LOC128092252: variants seen among roughly 807,000 people sequenced by gnomAD.
At chr15:50,672,546 C>G in the LOC128092252 span, among the ~76,000 whole-genome samples, 1 of 151,858 alleles carries the variant, frequency 6.6e-6, no homozygotes, top group African/African-American at 2.4e-5. Flanking sequence ...TAGGCCTAGG[C>G]TAACGTGTAT....
the LOC128092252 span, among the ~76,000 whole-genome samples, chr15:50,680,104 G>A: frequency 6.6e-6 from 1 of 151,862 alleles, no homozygotes; most frequent in Non-Finnish European, 1.5e-5. Flanking sequence ...CATGGTGGCG[G>A]GTGCCTGTAA....
the LOC128092252 span, among the ~76,000 whole-genome samples, chr15:50,675,469 C>G: frequency 6.6e-6 from 1 of 152,180 alleles, no homozygotes; most frequent in Non-Finnish European, 1.5e-5. Context: ...TCTTCCCACA[C>G]GTAGCATTCT....
At chr15:50,685,785 C>A in the LOC128092252 span, among the ~76,000 whole-genome samples, 1 of 152,162 alleles carries the variant, frequency 6.6e-6, no homozygotes, top group Non-Finnish European at 1.5e-5. Context: ...CCGCCTCCCT[C>A]TCTCCATTCC....
chr15:50,650,894 A>C, the LOC128092252 span, among the ~76,000 whole-genome samples: 383 of 152,344 alleles, frequency 2.5e-3, 3 homozygotes, highest in South Asian at 7.9e-3. Context: ...TGCATGAAAA[A>C]TTCCCAGACA....
the LOC128092252 span, among the ~76,000 whole-genome samples, chr15:50,649,434 A>G: frequency 1.4e-5 from 2 of 144,936 alleles, no homozygotes; most frequent in Non-Finnish European, 3.1e-5. Context: ...CAAGACCCCA[A>G]CTCAAAAAAA....
the LOC128092252 span, among the ~76,000 whole-genome samples, chr15:50,659,058 T>C: frequency 6.6e-6 from 1 of 151,680 alleles, no homozygotes; most frequent in Admixed American, 6.6e-5. Flanking sequence ...ATTAGCCAGA[T>C]GTGGTGGCAC....
the LOC128092252 span, among the ~76,000 whole-genome samples, chr15:50,649,375 A>C: frequency 3.3e-5 from 5 of 151,772 alleles, no homozygotes; most frequent in South Asian, 2.1e-4. Context: ...TCAGGGCTGC[A>C]GTTAGCCTTG....
At chr15:50,652,203 G>T in the LOC128092252 span, among the ~76,000 whole-genome samples, 2 of 151,082 alleles carry the variant, frequency 1.3e-5, no homozygotes, top group Admixed American at 6.6e-5. Flanking sequence ...TGTGGTGGTG[G>T]GCGCCTGTAA....
the LOC128092252 span, among the ~76,000 whole-genome samples, chr15:50,664,966 AAAAT>A: frequency 7.9e-5 from 12 of 152,216 alleles, no homozygotes; most frequent in South Asian, 2.1e-4. Flanking sequence ...CCCTGTCTTA[AAAAT>A]AAATAAATAA....
chr15:50,674,616 TA>T, the LOC128092252 span, among the ~76,000 whole-genome samples: 2 of 152,220 alleles, frequency 1.3e-5, no homozygotes, highest in African/African-American at 4.8e-5. Context: ...TAACTCTATT[TA>T]CATTTACCAG....
chr15:50,682,969 T>C, the LOC128092252 span, among the ~76,000 whole-genome samples: 1 of 151,602 alleles, frequency 6.6e-6, no homozygotes, highest in Non-Finnish European at 1.5e-5. Flanking sequence ...TGATCTCAGC[T>C]CACTGCAACC....
the LOC128092252 span, among the ~76,000 whole-genome samples, chr15:50,655,662 A>G: frequency 1.4e-4 from 21 of 152,310 alleles, no homozygotes; most frequent in Admixed American, 3.9e-4. Flanking sequence ...CTGCCTTCTC[A>G]TTAGAAACAA....
chr15:50,658,320 T>C, the LOC128092252 span, among the ~76,000 whole-genome samples: 1 of 151,822 alleles, frequency 6.6e-6, no homozygotes. Context: ...TCCACACCTA[T>C]AATTGCAACA....
At chr15:50,679,538 A>ATT in the LOC128092252 span, among the ~76,000 whole-genome samples, 296 of 43,874 alleles carry the variant, frequency 6.7e-3, 7 homozygotes, top group African/African-American at 0.027. Context: ...ATATATATAT[A>ATT]TTTTTTTTTT....
At chr15:50,673,431 T>C in the LOC128092252 span, among the ~76,000 whole-genome samples, 1 of 152,050 alleles carries the variant, frequency 6.6e-6, no homozygotes, top group African/African-American at 2.4e-5. Flanking sequence ...TCCCACCCTT[T>C]CTCCCTGAGT....
the LOC128092252 span, among the ~76,000 whole-genome samples, chr15:50,678,034 T>A: frequency 6.6e-6 from 1 of 151,370 alleles, no homozygotes; most frequent in East Asian, 2.0e-4. Flanking sequence ...GGTCAGGAGA[T>A]TGAGACCAGT....
the LOC128092252 span, among the ~76,000 whole-genome samples, chr15:50,670,810 GAA>G: frequency 4.2e-4 from 48 of 113,510 alleles, no homozygotes; most frequent in East Asian, 2.4e-3. Flanking sequence ...AAAAGAAAAA[GAA>G]AAAAAAAAAA....
At chr15:50,670,798 AAAAAAG>A in the LOC128092252 span, among the ~76,000 whole-genome samples, 1 of 143,132 alleles carries the variant, frequency 7.0e-6, no homozygotes. Context: ...TTTACTGTAA[AAAAAAG>A]AAAAAGAAAA....
chr15:50,683,498 G>A, the LOC128092252 span, among the ~76,000 whole-genome samples: 21 of 151,812 alleles, frequency 1.4e-4, 1 homozygote, highest in Admixed American at 1.3e-3. Flanking sequence ...ACTTTGGGAG[G>A]CCGAGGCGGG....
Sources: gnomAD v4.1 joint callset for allele counts (sites outside exome capture counted in the v4.1 genomes callset) on GRCh38, gnomAD v4.1.1 for gene constraint, MANE v1.5 for transcripts.